Variants in CD28 observed in about 807,000 individuals in gnomAD.
CD28 encodes the protein T-cell-specific surface glycoprotein CD28.
In CD28, 8 loss-of-function variants were observed where a neutral mutation model predicts 21.4. That is an observed-to-expected ratio of 0.37 (90% CI 0.22 to 0.68). CD28 has a LOEUF of 0.68. Ranked by LOEUF, CD28 falls within the 30% of genes least tolerant of loss-of-function variation. The pLI is 0.55. For synonymous variants in CD28, 106 were observed against 104.0 expected (o/e 1.02, Z -0.12); for missense variants, 239 against 272.2 (o/e 0.88, Z 0.86).
intron 3 of CD28, among the ~76,000 whole-genome samples, chr2:203,733,402 C>T (rs1320729654): frequency 1.3e-5 from 2 of 152,000 alleles, no homozygotes; most frequent in Non-Finnish European, 2.9e-5. Context: ...TAGTGTCATT[C>T]ACTCAGATGA....
At position 203,726,664 on chromosome 2, in the gene CD28, G is replaced by A. The variant is rs1005123826; in HGVS notation, c.84G>A (p.Met28Ile). 2 of 1,613,742 alleles carry A rather than the reference G, an allele frequency of 1.2e-6. No homozygotes were observed. The highest frequency in any genetic ancestry group is 1.7e-6 in the Non-Finnish European group (2 of 1,179,768). Reference sequence around the variant, plus strand: ...AGATTTTGGTGAAGCAGTCGCCCATGCTTGTAGCGTACGACAATGCGGTCA... The same window carrying A: ...AGATTTTGGTGAAGCAGTCGCCCATACTTGTAGCGTACGACAATGCGGTCA... ...GNKILVKQSP[M>I]LVAYDNAVNL... is the part of the protein sequence containing the mutation. The change falls in exon 2 of 4, where the codon ATG (methionine) becomes ATA (isoleucine). Residue 28 changes from methionine (M) to isoleucine (I), a missense_variant. Physicochemically the swap from Met to Ile is conservative, Grantham distance 10 (BLOSUM62 1). Transcript: ENST00000324106.
intron 3 of CD28, among the ~76,000 whole-genome samples, chr2:203,733,663 T>A (rs1581519727): frequency 6.6e-6 from 1 of 151,082 alleles, no homozygotes; most frequent in South Asian, 2.1e-4. Flanking sequence ...AGGGAAGGAG[T>A]GACAAGACAG....
At chr2:203,716,486 T>C (rs189014658) in intron 1 of CD28, among the ~76,000 whole-genome samples, 6 of 152,168 alleles carry the variant, frequency 3.9e-5, no homozygotes, top group East Asian at 3.9e-4. Context: ...CCTTATTTAT[T>C]TGATGAATAA....
intron 1 of CD28, among the ~76,000 whole-genome samples, chr2:203,726,086 C>A (rs1581512353): frequency 6.6e-6 from 1 of 152,122 alleles, no homozygotes; most frequent in Admixed American, 6.5e-5. Flanking sequence ...TGGTGCATAC[C>A]TGTAATCCCA....
At chr2:203,727,019 C>A in intron 2 of CD28, 30 bp downstream of exon 2, 2 of 1,356,084 alleles carry the variant, frequency 1.5e-6, no homozygotes, top group East Asian at 2.3e-5. Flanking sequence ...GTGTACCACC[C>A]TAAAGTAATG....
chr2:203,728,954 A>G (rs557878545), intron 2 of CD28, among the ~76,000 whole-genome samples: 30 of 152,290 alleles, frequency 2.0e-4, no homozygotes, highest in African/African-American at 7.2e-4. Context: ...TGTAATTGAT[A>G]TGGGTTGAGG....
chr2:203,728,815 A>G (rs1693816590), intron 2 of CD28, among the ~76,000 whole-genome samples: 1 of 152,134 alleles, frequency 6.6e-6, no homozygotes, highest in Non-Finnish European at 1.5e-5. Flanking sequence ...TACACATATC[A>G]TTTATGTTAG....
intron 1 of CD28, among the ~76,000 whole-genome samples, chr2:203,708,981 G>T (rs955906463): frequency 3.9e-5 from 6 of 152,066 alleles, no homozygotes; most frequent in Non-Finnish European, 7.4e-5. Context: ...AATTAGCAGG[G>T]TGTGGTGGCA....
intron 1 of CD28, among the ~76,000 whole-genome samples, chr2:203,724,001 A>C (rs556645159): frequency 6.6e-6 from 1 of 152,264 alleles, no homozygotes; most frequent in Admixed American, 6.5e-5. Context: ...AACAAAATGT[A>C]GTATAGCCAT....
chr2:203,732,534 A>G (rs1398538790), intron 3 of CD28, among the ~76,000 whole-genome samples: 2 of 152,214 alleles, frequency 1.3e-5, no homozygotes, highest in Non-Finnish European at 2.9e-5. Context: ...ATTCTTGAAG[A>G]CCACGTACTT....
chr2:203,734,731 A>G, intron 3 of CD28, 53 bp from the exon 4 acceptor site: 1 of 1,603,652 alleles, frequency 6.2e-7, no homozygotes, highest in Non-Finnish European at 8.5e-7. Flanking sequence ...CCACAGTCTT[A>G]GAACTCCTTC....
In CD28 at chr2:203,738,705, C is replaced by T. The variant is rs1021393413; in HGVS notation, c.*3793C>T. ...CAGGTCCTTGCTCAAGTGTCATCTT[C>T]TCCCCTAGTTAAACTACCCCACACC... On this transcript the variant is annotated 3_prime_UTR_variant, in exon 4 of 4. Coordinates refer to ENST00000324106, the MANE Select transcript of CD28 (RefSeq NM_006139.4). 3 of 152,150 alleles carry T rather than the reference C, an allele frequency of 2.0e-5. No homozygotes were observed. The highest frequency in any genetic ancestry group is 2.9e-5 in the Non-Finnish European group (2 of 68,040). 9.4% of individuals were successfully genotyped at this position (152,150 alleles called of 1,614,324 possible).
At chr2:203,723,852 C>T (rs1262200314) in intron 1 of CD28, among the ~76,000 whole-genome samples, 2 of 152,170 alleles carry the variant, frequency 1.3e-5, no homozygotes, top group African/African-American at 4.8e-5. Context: ...AAAAGTTAAA[C>T]ATAGAGTTAC....
In CD28 at chr2:203,735,015, C is replaced by A. The variant is rs1693994827; in HGVS notation, c.*103C>A. The A allele has an allele frequency of 6.2e-6, 9 of 1,444,648 alleles. No individual in the cohort carries two copies. The highest frequency in any genetic ancestry group is 8.4e-6 in the Non-Finnish European group (9 of 1,070,450). The allele number at this position is 1,444,648 out of a possible 1,614,324, so 89.5% of individuals were successfully genotyped here. A position where few individuals can be genotyped will look rare whatever the true frequency, so the allele number is the denominator to read the frequency against. On this transcript the variant is annotated 3_prime_UTR_variant, in exon 4 of 4. Transcript: ENST00000324106. ...GCCATCTCCAGCCGGCCACCTCAGG[C>A]CCCTGTTGGGCCACCAATGCCAATT...
At chr2:203,720,073 C>T (rs952059421) in intron 1 of CD28, among the ~76,000 whole-genome samples, 14 of 152,226 alleles carry the variant, frequency 9.2e-5, no homozygotes, top group African/African-American at 2.6e-4. Context: ...TTCCTGAAGT[C>T]GGCTGTTTCA....
rs1223658341 is a variant in CD28 at position 203,737,587 on chromosome 2, C to T, written c.*2675C>T. 3 of 152,594 alleles carry T rather than the reference C, an allele frequency of 2.0e-5. No individual in the cohort carries two copies. The highest frequency in any genetic ancestry group is 4.4e-5 in the Non-Finnish European group (3 of 68,044). 9.5% of individuals were successfully genotyped at this position (152,594 alleles called of 1,614,324 possible). A position where few individuals can be genotyped will look rare whatever the true frequency, so the allele number is the denominator to read the frequency against. On this transcript the variant is annotated 3_prime_UTR_variant, in exon 4 of 4. Coordinates refer to ENST00000324106, the MANE Select transcript of CD28 (RefSeq NM_006139.4). ...TGTTATACAGGGAAGTCCGTTTTCA[C>T]TATTAGTATGAACCAAGAAATGGTT...
chr2:203,717,285 TAA>T (rs1337071238), intron 1 of CD28, among the ~76,000 whole-genome samples: 1 of 152,266 alleles, frequency 6.6e-6, no homozygotes, highest in Non-Finnish European at 1.5e-5. Flanking sequence ...GTGCTTGGTA[TAA>T]CTGATAGTTG....
intron 1 of CD28, among the ~76,000 whole-genome samples, chr2:203,720,037 C>T (rs988769750): frequency 8.5e-5 from 13 of 152,138 alleles, no homozygotes; most frequent in Non-Finnish European, 1.8e-4. Context: ...CTGCCATTCT[C>T]ATGGAAGTTC....
chr2:203,729,549 T>G (rs1693834331), intron 2 of CD28, 99 bp from the exon 3 acceptor site: 8 of 1,259,906 alleles, frequency 6.3e-6, no homozygotes, highest in Non-Finnish European at 9.0e-6. Flanking sequence ...ATGTTTAATA[T>G]TTTTATTTCT....
Sources: gnomAD v4.1 joint callset for allele counts (sites outside exome capture counted in the v4.1 genomes callset) on GRCh38, gnomAD v4.1.1 for gene constraint, MANE v1.5 for transcripts, NCBI Gene and HGNC (gene_info 2026-07-23, HGNC 2026-07-21) for gene names.